Variants in NKAIN2 observed in about 807,000 individuals in gnomAD.
NKAIN2 encodes the protein sodium/potassium transporting ATPase interacting 2, also known as sodium/potassium-transporting ATPase subunit beta-1-interacting protein 2.
A neutral mutation model predicts 32.6 loss-of-function variants in NKAIN2; 14 were observed. The observed-to-expected ratio is 0.43, with a 90% CI of 0.28 to 0.67. The LOEUF is 0.67. Among genes scored for constraint, NKAIN2 ranks in the 30% least tolerant of loss-of-function variants. NKAIN2 has a pLI of 0.17. For synonymous variants in NKAIN2, 80 were observed against 87.2 expected (o/e 0.92, Z 0.46); for missense variants, 198 against 258.3 (o/e 0.77, Z 1.60).
intron 4 of NKAIN2, among the ~76,000 whole-genome samples, chr6:124,700,685 G>A (rs1441560782): frequency 6.6e-6 from 1 of 152,020 alleles, no homozygotes; most frequent in Non-Finnish European, 1.5e-5. Context: ...TAACTTATAA[G>A]CATTTAGAGC....
intron 5 of NKAIN2, among the ~76,000 whole-genome samples, chr6:124,818,001 A>T (rs1781240661): frequency 1.4e-5 from 2 of 147,300 alleles, no homozygotes; most frequent in Non-Finnish European, 2.9e-5. Flanking sequence ...CATTATTTAT[A>T]TTTATATGCT....
At chr6:124,539,467 G>A (rs1779832919) in intron 3 of NKAIN2, among the ~76,000 whole-genome samples, 1 of 151,502 alleles carries the variant, frequency 6.6e-6, no homozygotes, top group Non-Finnish European at 1.5e-5. Context: ...ATGTATACAA[G>A]TTAATCAAAT....
chr6:124,404,782 T>C (rs371886418), intron 3 of NKAIN2, among the ~76,000 whole-genome samples: 31 of 152,332 alleles, frequency 2.0e-4, no homozygotes, highest in African/African-American at 7.0e-4. Flanking sequence ...ATTTAAGATA[T>C]GTTTGTTTAC....
At chr6:124,472,832 A>G (rs908306593) in intron 3 of NKAIN2, among the ~76,000 whole-genome samples, 1 of 152,026 alleles carries the variant, frequency 6.6e-6, no homozygotes, top group Non-Finnish European at 1.5e-5. Flanking sequence ...TTCTAAATAT[A>G]TATACACATA....
intron 2 of NKAIN2, among the ~76,000 whole-genome samples, chr6:124,321,369 G>A (rs1797181850): frequency 6.6e-6 from 1 of 152,132 alleles, no homozygotes; most frequent in Non-Finnish European, 1.5e-5. Context: ...ACCTAATGTA[G>A]ATGACAGGTT....
At chr6:123,955,270 A>T (rs186208883) in intron 1 of NKAIN2, among the ~76,000 whole-genome samples, 1 of 151,878 alleles carries the variant, frequency 6.6e-6, no homozygotes, top group Non-Finnish European at 1.5e-5. Flanking sequence ...GACACTATAG[A>T]ACCAATTGTA....
chr6:123,872,121 A>T (rs924875271), intron 1 of NKAIN2, among the ~76,000 whole-genome samples: 1 of 152,074 alleles, frequency 6.6e-6, no homozygotes, highest in African/African-American at 2.4e-5. Context: ...AATTTTTTTC[A>T]TATTTTATTT....
rs189843384 is a variant in NKAIN2, at chr6:124,738,187, C to T, written c.475-53152C>T. Among the ~76,000 whole-genome samples, 9 of 151,930 alleles carry T rather than the reference C, an allele frequency of 5.9e-5. No individual in the cohort carries two copies. In the East Asian group the frequency reaches 1.8e-3, roughly 30 times the overall value. On this transcript the variant is annotated intron_variant, in intron 4 of 6. Transcript: ENST00000368417. ...TAAAAAGTAACAATAATATTACCTA[C>T]ATTGAACAGCACACTTAACTAATTT...
chr6:124,592,978 C>A (rs952286695), intron 3 of NKAIN2, among the ~76,000 whole-genome samples: 1 of 152,160 alleles, frequency 6.6e-6, no homozygotes, highest in African/African-American at 2.4e-5. Context: ...ATTCTGTCAA[C>A]AAATCATTGT....
intron 2 of NKAIN2, among the ~76,000 whole-genome samples, chr6:124,291,088 C>T (rs963297003): frequency 6.6e-6 from 1 of 152,082 alleles, no homozygotes; most frequent in Non-Finnish European, 1.5e-5. Flanking sequence ...TGAGTTTTAT[C>T]TGTCTCATGA....
intron 3 of NKAIN2, among the ~76,000 whole-genome samples, chr6:124,438,676 C>T (rs925282462): frequency 6.6e-6 from 1 of 152,128 alleles, no homozygotes; most frequent in African/African-American, 2.4e-5. Context: ...GCAGCCTTCC[C>T]TTTCCAGCAA....
intron 1 of NKAIN2, among the ~76,000 whole-genome samples, chr6:124,246,471 C>T (rs574388987): frequency 1.4e-4 from 22 of 152,126 alleles, no homozygotes; most frequent in Non-Finnish European, 2.2e-4. Flanking sequence ...GAGATTATGC[C>T]CAGCCTACCT....
chr6:123,818,067 TTTTAA>T (rs1412329479), intron 1 of NKAIN2, among the ~76,000 whole-genome samples: 11 of 152,166 alleles, frequency 7.2e-5, no homozygotes, highest in Non-Finnish European at 1.5e-4. Flanking sequence ...TATTTGACAC[TTTTAA>T]TTTGTCTTCT....
intron 1 of NKAIN2, among the ~76,000 whole-genome samples, chr6:123,992,013 T>C (rs868275146): frequency 6.6e-6 from 1 of 152,148 alleles, no homozygotes. Flanking sequence ...TTTGTTCTTA[T>C]ATGTGATATT....
intron 4 of NKAIN2, among the ~76,000 whole-genome samples, chr6:124,701,153 G>GCACACACACACA (rs60670238): frequency 7.6e-6 from 1 of 132,030 alleles, no homozygotes; most frequent in African/African-American, 2.7e-5. Context: ...ACACACACAC[G>GCACACACACACA]CACACACACA....
chr6:124,580,643 G>GT (rs1274907543), intron 3 of NKAIN2, among the ~76,000 whole-genome samples: 1 of 152,158 alleles, frequency 6.6e-6, no homozygotes, highest in Non-Finnish European at 1.5e-5. Context: ...AATGGCAGGA[G>GT]TAAGTCCTTA....
At chr6:124,325,699 T>C (rs1583052047) in intron 2 of NKAIN2, among the ~76,000 whole-genome samples, 2 of 152,258 alleles carry the variant, frequency 1.3e-5, no homozygotes, top group East Asian at 3.9e-4. Flanking sequence ...CTAAGCTATA[T>C]TGACATAATC....
intron 3 of NKAIN2, among the ~76,000 whole-genome samples, chr6:124,550,896 A>C (rs561330840): frequency 6.6e-6 from 1 of 152,262 alleles, no homozygotes; most frequent in Admixed American, 6.5e-5. Context: ...TAGTCAAGAT[A>C]TTAGCTAAGA....
chr6:124,481,337 T>A (rs978900727), intron 3 of NKAIN2, among the ~76,000 whole-genome samples: 2 of 152,104 alleles, frequency 1.3e-5, no homozygotes, highest in Non-Finnish European at 1.5e-5. Context: ...TTATTTTTTT[T>A]AAATCAGGGA....
Sources: gnomAD v4.1 joint callset for allele counts (sites outside exome capture counted in the v4.1 genomes callset) on GRCh38, gnomAD v4.1.1 for gene constraint, MANE v1.5 for transcripts, NCBI Gene and HGNC (gene_info 2026-07-23, HGNC 2026-07-21) for gene names.